Variants in IL1RAPL1 observed in about 807,000 individuals in gnomAD.
IL1RAPL1 encodes interleukin 1 receptor accessory protein like 1.
IL1RAPL1 carries 3 observed loss-of-function variants against 48.4 expected under a neutral mutation model. That is an observed-to-expected ratio of 0.06 (90% CI 0.03 to 0.16). The LOEUF is 0.16. Ranked by LOEUF, IL1RAPL1 falls within the 10% of genes least tolerant of loss-of-function variation. The probability of loss-of-function intolerance (pLI) is 1.00; values close to 1 mark genes in which losing one functional copy is unlikely to be tolerated. For synonymous variants in IL1RAPL1, 185 were observed against 187.7 expected (o/e 0.99, Z 0.12); for missense variants, 349 against 530.6 (o/e 0.66, Z 3.36).
chrX:28,902,057 G>A (rs1057108074), intron 2 of IL1RAPL1, among the ~76,000 whole-genome samples: 46 of 111,678 alleles, frequency 4.1e-4, no homozygotes, highest in Admixed American at 1.0e-3. Flanking sequence ...TCCAGAAATC[G>A]TCAGTAAGAC....
At chrX:28,799,098 T>C (rs919885527) in intron 2 of IL1RAPL1, among the ~76,000 whole-genome samples, 2 of 111,534 alleles carry the variant, frequency 1.8e-5, no homozygotes, top group African/African-American at 6.5e-5. Flanking sequence ...ATTTTAAAGT[T>C]AGACTCAATT....
intron 2 of IL1RAPL1, among the ~76,000 whole-genome samples, chrX:29,153,153 A>G (rs1425127166): frequency 2.7e-5 from 3 of 111,615 alleles, no homozygotes; most frequent in East Asian, 5.6e-4. Flanking sequence ...AGCAGTAGCC[A>G]GTTGAATCTC....
chrX:29,477,264 G>A (rs756152446), intron 5 of IL1RAPL1, among the ~76,000 whole-genome samples: 1 of 111,617 alleles, frequency 9.0e-6, no homozygotes, highest in Non-Finnish European at 1.9e-5. Context: ...AGCATGCTTG[G>A]CCTAGCGTCT....
chrX:29,938,047 CTT>C (rs897020909), intron 8 of IL1RAPL1, among the ~76,000 whole-genome samples: 209 of 111,353 alleles, frequency 1.9e-3, no homozygotes, highest in African/African-American at 6.5e-3. Context: ...ACCCTGCTCT[CTT>C]TTTCTTATTA....
rs911853767 is a variant in IL1RAPL1, at chrX:28,635,346, C to T, written c.-25+47299C>T. Among the ~76,000 whole-genome samples, 6 of 111,868 alleles carry T rather than the reference C, an allele frequency of 5.4e-5. No homozygotes were observed. The South Asian group carries it at 1.1e-3, about 21-fold the overall frequency. ...CAGATTTTGTTATAGACATCAATGA[C>T]TTACGATGATTTGATCTTTGACTTA... On this transcript the variant is annotated intron_variant, in intron 1 of 10. Coordinates refer to ENST00000378993, the MANE Select transcript of IL1RAPL1 (RefSeq NM_014271.4).
intron 6 of IL1RAPL1, among the ~76,000 whole-genome samples, chrX:29,905,569 A>G (rs1932594145): frequency 9.0e-6 from 1 of 110,913 alleles, no homozygotes; most frequent in South Asian, 3.9e-4. Context: ...AGGGGTCCAG[A>G]TTCAGTTTTC....
chrX:29,838,397 C>T (rs188339592), intron 6 of IL1RAPL1, among the ~76,000 whole-genome samples: 2 of 112,196 alleles, frequency 1.8e-5, no homozygotes, highest in African/African-American at 6.5e-5. Flanking sequence ...CCTCAAGTAT[C>T]AAGAGCATTG....
chrX:29,244,934 C>T (rs1217732724), intron 2 of IL1RAPL1, among the ~76,000 whole-genome samples: 2 of 108,886 alleles, frequency 1.8e-5, no homozygotes, highest in Admixed American at 2.0e-4. Flanking sequence ...TAGCCCCCCA[C>T]CCCCCGACAG....
chrX:29,686,982 A>G (rs1244556018), intron 6 of IL1RAPL1, among the ~76,000 whole-genome samples: 2 of 81,499 alleles, frequency 2.5e-5, no homozygotes, highest in African/African-American at 1.7e-4. Flanking sequence ...TGGCTACTAT[A>G]AAAAAAAAAA....
intron 5 of IL1RAPL1, among the ~76,000 whole-genome samples, chrX:29,550,343 C>T (rs942283620): frequency 9.0e-6 from 1 of 110,880 alleles, no homozygotes; most frequent in Non-Finnish European, 1.9e-5. Flanking sequence ...AGGCGCCCGC[C>T]ACCACGCCCG....
chrX:29,594,902 A>G (rs779242241), intron 5 of IL1RAPL1, among the ~76,000 whole-genome samples: 40 of 111,044 alleles, frequency 3.6e-4, no homozygotes, highest in Non-Finnish European at 7.0e-4. Context: ...CTTTCCTCCC[A>G]GTCCCTAAAC....
intron 5 of IL1RAPL1, among the ~76,000 whole-genome samples, chrX:29,561,056 C>T (rs779587096): frequency 1.8e-5 from 2 of 112,073 alleles, no homozygotes; most frequent in East Asian, 5.6e-4. Flanking sequence ...AGGGGTCTCG[C>T]AGACCTTTAC....
At chrX:28,635,469 C>A (rs982882655) in intron 1 of IL1RAPL1, among the ~76,000 whole-genome samples, 1 of 111,744 alleles carries the variant, frequency 8.9e-6, no homozygotes, top group Non-Finnish European at 1.9e-5. Context: ...CCATTCTATC[C>A]TTCGCTTTCA....
chrX:29,011,183 T>C (rs1602010411), intron 2 of IL1RAPL1, among the ~76,000 whole-genome samples: 1 of 111,655 alleles, frequency 9.0e-6, no homozygotes. Flanking sequence ...GGATATAAAA[T>C]AGTACAGCCA....
At chrX:28,689,846 G>A (rs1210341415) in intron 1 of IL1RAPL1, among the ~76,000 whole-genome samples, 3 of 111,050 alleles carry the variant, frequency 2.7e-5, no homozygotes, top group East Asian at 5.7e-4. Flanking sequence ...GGTTACTATG[G>A]CAGAAAAAAG....
At chrX:29,659,950 G>T (rs181150134) in intron 5 of IL1RAPL1, among the ~76,000 whole-genome samples, 1 of 111,817 alleles carries the variant, frequency 8.9e-6, no homozygotes, top group African/African-American at 3.3e-5. Flanking sequence ...CAGTTCTGCA[G>T]GCTGTGCAGG....
At chrX:29,693,405 G>T (rs1199928396) in intron 6 of IL1RAPL1, among the ~76,000 whole-genome samples, 131 of 111,597 alleles carry the variant, frequency 1.2e-3, no homozygotes, top group Middle Eastern at 4.7e-3. Flanking sequence ...TTGTCATTAT[G>T]GGTTTGTGCT....
intron 1 of IL1RAPL1, among the ~76,000 whole-genome samples, chrX:28,691,344 A>G (rs1391509185): frequency 2.7e-5 from 3 of 111,992 alleles, no homozygotes; most frequent in Non-Finnish European, 5.6e-5. Flanking sequence ...ATCATTTAGT[A>G]AGGATTTACT....
chrX:29,775,202 T>C (rs1929164661), intron 6 of IL1RAPL1, among the ~76,000 whole-genome samples: 2 of 111,830 alleles, frequency 1.8e-5, no homozygotes, highest in East Asian at 2.8e-4. Flanking sequence ...TTACTTTTGC[T>C]ACACCTACAC....
Sources: allele counts gnomAD v4.1 joint callset (sites outside exome capture counted in the v4.1 genomes callset), GRCh38; gene constraint gnomAD v4.1.1; transcripts MANE v1.5; gene names NCBI Gene and HGNC (gene_info 2026-07-23, HGNC 2026-07-21).